RIMS1: variants seen among roughly 807,000 people sequenced by gnomAD.
RIMS1 encodes regulating synaptic membrane exocytosis protein 1.
In RIMS1, 83 loss-of-function variants were observed where a neutral mutation model predicts 214.1. The ratio of observed to expected loss-of-function variants is 0.39; its 90% CI spans 0.32 to 0.47. RIMS1 has a LOEUF of 0.47. RIMS1 is among the 20% of genes least tolerant of loss of function. The probability of loss-of-function intolerance (pLI) is 0.99; values close to 1 mark genes in which losing one functional copy is unlikely to be tolerated. For synonymous variants in RIMS1, 793 were observed against 786.8 expected, an observed-to-expected ratio of 1.01 and a Z score of -0.13; for missense variants, 2,050 against 2,161.8, an observed-to-expected ratio of 0.95 and a Z score of 1.03.
intron 31 of RIMS1, among the ~76,000 whole-genome samples, chr6:72,397,271 TAAAA>T (rs1406005379): frequency 1.3e-5 from 2 of 152,074 alleles, no homozygotes; most frequent in Non-Finnish European, 2.9e-5. Flanking sequence ...TTTCATGAAA[TAAAA>T]AGGAAGGGAC....
chr6:72,055,540 T>C (rs971634425), intron 2 of RIMS1, among the ~76,000 whole-genome samples: 21 of 152,232 alleles, frequency 1.4e-4, no homozygotes, highest in African/African-American at 4.8e-4. Context: ...TTTCCAGCAC[T>C]GTGCTGAATA....
chr6:72,007,545 G>C (rs1228641488), intron 2 of RIMS1, among the ~76,000 whole-genome samples: 4 of 152,168 alleles, frequency 2.6e-5, no homozygotes, highest in Admixed American at 2.0e-4. Flanking sequence ...GAGGAAGTTT[G>C]AACCCATGGC....
At position 72,290,873 on chromosome 6, in the gene RIMS1, G is replaced by A; in HGVS notation, c.3737+12G>A. The stretch of plus-strand genomic sequence containing the variant: ...CCGCTTCTGACAAGGTCGCTATTCA[G>A]TGTCCCCCTCAGCATTCATGTCCTG... On this transcript the variant is annotated intron_variant, in intron 25 of 33. Coordinates refer to ENST00000521978, the MANE Select transcript of RIMS1 (RefSeq NM_014989.7). 1 of 1,610,878 alleles carries A rather than the reference G, an allele frequency of 6.2e-7. No homozygotes were observed. The highest frequency in any genetic ancestry group is 2.2e-5 in the East Asian group (1 of 44,838).
intron 2 of RIMS1, among the ~76,000 whole-genome samples, chr6:72,096,132 A>T (rs940157891): frequency 2.0e-5 from 3 of 152,218 alleles, no homozygotes; most frequent in Admixed American, 6.5e-5. Context: ...GTTTCCCTAG[A>T]CAACTTTAGT....
At chr6:72,127,928 C>T (rs1017917136) in intron 4 of RIMS1, among the ~76,000 whole-genome samples, 3 of 152,160 alleles carry the variant, frequency 2.0e-5, no homozygotes, top group African/African-American at 7.2e-5. Context: ...AATAACTAAT[C>T]CTCTAGTAAG....
At chr6:72,027,221 C>T (rs1268235788) in intron 2 of RIMS1, among the ~76,000 whole-genome samples, 10 of 152,074 alleles carry the variant, frequency 6.6e-5, no homozygotes, top group Admixed American at 1.3e-4. Context: ...AATCTTACAT[C>T]GGAAATAGAT....
rs1209950946 is a variant in RIMS1 at position 72,392,818 on chromosome 6, T to C, written c.4618+8T>C. The C allele has an allele frequency of 6.4e-7, 1 of 1,557,152 alleles. No individual in the cohort carries two copies. Among genetic ancestry groups the C allele is most frequent in the Non-Finnish European group, 8.8e-7 (1 of 1,142,244 alleles). ...TTGCCACCCCTGCAATGGGTAAGAA[T>C]CATTTTTTTTTTCTACAAGAAAATT... is the stretch of plus-strand genomic sequence containing the variant. On this transcript the variant is annotated splice_region_variant and intron_variant, in intron 31 of 33. Transcript: ENST00000521978.
chr6:72,090,111 G>A (rs1187714718), intron 2 of RIMS1, among the ~76,000 whole-genome samples: 1 of 151,858 alleles, frequency 6.6e-6, no homozygotes, highest in African/African-American at 2.4e-5. Flanking sequence ...CATGGCACAC[G>A]TATACATATG....
chr6:72,354,554 A>G (rs989985705), intron 29 of RIMS1, among the ~76,000 whole-genome samples: 1 of 152,236 alleles, frequency 6.6e-6, no homozygotes, highest in Non-Finnish European at 1.5e-5. Context: ...TTGGAATTGC[A>G]TACATTTTGT....
At chr6:72,298,228 A>G (rs2094290874) in intron 26 of RIMS1, among the ~76,000 whole-genome samples, 1 of 151,994 alleles carries the variant, frequency 6.6e-6, no homozygotes, top group South Asian at 2.1e-4. Flanking sequence ...TACTCAAAGC[A>G]TTACTAATGG....
intron 4 of RIMS1, among the ~76,000 whole-genome samples, chr6:72,171,598 A>T (rs904422471): frequency 6.6e-6 from 1 of 152,148 alleles, no homozygotes; most frequent in African/African-American, 2.4e-5. Flanking sequence ...GATAGGAACT[A>T]TTATTACCCC....
chr6:71,896,920 A>G (rs1771981017), intron 1 of RIMS1, among the ~76,000 whole-genome samples: 1 of 152,138 alleles, frequency 6.6e-6, no homozygotes, highest in African/African-American at 2.4e-5. Context: ...TATGTCAATG[A>G]TCCCTAGATC....
At chr6:72,001,227 T>C (rs1485997302) in intron 2 of RIMS1, among the ~76,000 whole-genome samples, 1 of 152,206 alleles carries the variant, frequency 6.6e-6, no homozygotes, top group East Asian at 1.9e-4. Flanking sequence ...CCAGCCTCAC[T>C]GCACATTCTT....
intron 2 of RIMS1, among the ~76,000 whole-genome samples, chr6:71,997,338 T>G (rs1432281750): frequency 6.6e-6 from 1 of 152,202 alleles, no homozygotes; most frequent in Non-Finnish European, 1.5e-5. Flanking sequence ...AAGGTTTCTT[T>G]GAATACAGTA....
chr6:72,213,024 G>T lies in RIMS1; in HGVS notation c.1679-20749G>T, dbSNP rs1043451020. On this transcript the variant is annotated intron_variant, in intron 6 of 33. Transcript: ENST00000521978. ...ATATAAGCAGAGTGATGAAGGAGGC[G>T]CTTCACACTCTTCTTAGATAAGATC... is the stretch of plus-strand genomic sequence containing the variant. 20 of 1,509,810 alleles carry T rather than the reference G, an allele frequency of 1.3e-5. No homozygotes were observed. The African/African-American group carries it at 2.2e-4, about 17-fold the overall frequency. 93.5% of individuals were successfully genotyped at this position (1,509,810 alleles called of 1,614,324 possible).
intron 1 of RIMS1, among the ~76,000 whole-genome samples, chr6:71,895,254 C>T (rs1431084032): frequency 6.6e-6 from 1 of 152,148 alleles, no homozygotes; most frequent in Non-Finnish European, 1.5e-5. Flanking sequence ...AGCAGTATTG[C>T]TTAATATTTG....
In RIMS1 at chr6:72,050,121, C is replaced by T. The variant is rs537831640; in HGVS notation, c.246-46828C>T. 6.3e-4 allele frequency among the ~76,000 whole-genome samples: 96 copies of T among 152,254 alleles called. 1 individual carries two copies. Among genetic ancestry groups the T allele is most frequent in the Non-Finnish European group, 8.5e-4 (58 of 68,014 alleles). On this transcript the variant is annotated intron_variant, in intron 2 of 33. Coordinates refer to ENST00000521978, the MANE Select transcript of RIMS1 (RefSeq NM_014989.7). ...ACATACACACACACCCCACCACCAT[C>T]GGTTCTGCTGAGGGATGGATCTGGG... is the stretch of plus-strand genomic sequence containing the variant.
chr6:72,167,166 T>C (rs1238605650), intron 4 of RIMS1, among the ~76,000 whole-genome samples: 1 of 151,818 alleles, frequency 6.6e-6, no homozygotes, highest in Non-Finnish European at 1.5e-5. Context: ...GTCAATACTT[T>C]TTCTTAAATA....
chr6:72,199,133 A>C (rs1279753395), intron 6 of RIMS1, among the ~76,000 whole-genome samples: 1 of 152,134 alleles, frequency 6.6e-6, no homozygotes, highest in African/African-American at 2.4e-5. Flanking sequence ...ATGGATTCCA[A>C]GAAATATCCA....
Sources: allele counts gnomAD v4.1 joint callset (sites outside exome capture counted in the v4.1 genomes callset), GRCh38; gene constraint gnomAD v4.1.1; transcripts MANE v1.5; gene names NCBI Gene and HGNC (gene_info 2026-07-23, HGNC 2026-07-21).